GRIK2: variants seen among roughly 807,000 people sequenced by gnomAD.
GRIK2 encodes the protein glutamate receptor ionotropic, kainate 2.
In GRIK2, 32 loss-of-function variants were observed where a neutral mutation model predicts 100.3. The observed-to-expected ratio is 0.32, with a 90% CI of 0.24 to 0.43. The LOEUF is 0.43. GRIK2 is among the 20% of genes least tolerant of loss of function. The probability of loss-of-function intolerance (pLI) is 1.00; values close to 1 mark genes in which losing one functional copy is unlikely to be tolerated. For missense variants in GRIK2, 843 were observed against 1,114.9 expected (o/e 0.76, Z 3.47); for synonymous variants, 417 against 389.4 (o/e 1.07, Z -0.83).
At chr6:102,026,525 T>C (rs954669871) in intron 14 of GRIK2, among the ~76,000 whole-genome samples, 1 of 151,144 alleles carries the variant, frequency 6.6e-6, no homozygotes, top group African/African-American at 2.4e-5. Context: ...AGACATCTCA[T>C]TTAAAAGATA....
chr6:101,907,399 A>G (rs966683036), intron 12 of GRIK2, among the ~76,000 whole-genome samples: 282 of 151,816 alleles, frequency 1.9e-3, no homozygotes, highest in Non-Finnish European at 3.2e-3. Flanking sequence ...AAGAAAAAAA[A>G]AAGCTGAGCA....
chr6:102,050,334 G>A, intron 15 of GRIK2, among the ~76,000 whole-genome samples: 1 of 151,882 alleles, frequency 6.6e-6, no homozygotes, highest in East Asian at 1.9e-4. Context: ...GGAAGTGGAA[G>A]TTAGGGAAGG....
At chr6:101,753,460 T>C (rs1391990906) in intron 7 of GRIK2, among the ~76,000 whole-genome samples, 8 of 152,102 alleles carry the variant, frequency 5.3e-5, no homozygotes, top group African/African-American at 1.9e-4. Flanking sequence ...TATAATCTGA[T>C]GCATTGTAAG....
chr6:101,915,316 CTACG>C (rs2128467116), intron 12 of GRIK2, among the ~76,000 whole-genome samples: 2 of 151,266 alleles, frequency 1.3e-5, no homozygotes, highest in South Asian at 4.2e-4. Context: ...GTTACATAAA[CTACG>C]TATTTGGAAT....
intron 7 of GRIK2, among the ~76,000 whole-genome samples, chr6:101,783,582 G>A (rs1157730195): frequency 6.6e-6 from 1 of 152,170 alleles, no homozygotes; most frequent in Non-Finnish European, 1.5e-5. Context: ...TGGGTAACAG[G>A]CAAAGGTTGT....
intron 4 of GRIK2, among the ~76,000 whole-genome samples, chr6:101,666,245 G>T (rs1770021382): frequency 6.6e-6 from 1 of 152,186 alleles, no homozygotes; most frequent in African/African-American, 2.4e-5. Context: ...GTCCAGGAGA[G>T]GTCCGTGCCC....
intron 7 of GRIK2, among the ~76,000 whole-genome samples, chr6:101,725,634 A>G (rs1027023276): frequency 2.6e-5 from 4 of 152,032 alleles, no homozygotes; most frequent in African/African-American, 4.8e-5. Flanking sequence ...TAGCATCACC[A>G]TAAGAATGGC....
At chr6:101,840,612 G>T (rs1337498381) in intron 10 of GRIK2, among the ~76,000 whole-genome samples, 2 of 151,994 alleles carry the variant, frequency 1.3e-5, no homozygotes, top group East Asian at 3.9e-4. Flanking sequence ...ATGAGTCCTT[G>T]GTTTATCCAT....
intron 2 of GRIK2, among the ~76,000 whole-genome samples, chr6:101,595,726 A>AATATAATATATTATATTATAT (rs1562250092): frequency 1.4e-5 from 2 of 141,964 alleles, no homozygotes; most frequent in Admixed American, 7.3e-5. Flanking sequence ...GTGTATATAT[A>AATATAATATATTATATTATAT]TATATATATA....
At chr6:101,681,191 A>G (rs1398942742) in intron 5 of GRIK2, among the ~76,000 whole-genome samples, 1 of 152,124 alleles carries the variant, frequency 6.6e-6, no homozygotes, top group Admixed American at 6.6e-5. Context: ...ATTTTGATAC[A>G]GGCATACAAC....
chr6:101,539,710 T>C (rs1775893013), intron 2 of GRIK2, among the ~76,000 whole-genome samples: 1 of 151,862 alleles, frequency 6.6e-6, no homozygotes, highest in African/African-American at 2.4e-5. Flanking sequence ...GGATTCTACA[T>C]GGCTGAGTCA....
intron 11 of GRIK2, among the ~76,000 whole-genome samples, chr6:101,878,691 GA>G (rs1338591353): frequency 6.6e-6 from 1 of 151,852 alleles, no homozygotes; most frequent in Non-Finnish European, 1.5e-5. Context: ...TATCGTCTCT[GA>G]ATTCTCAGTG....
At chr6:101,669,138 ATTGT>A (rs371436580) in intron 4 of GRIK2, among the ~76,000 whole-genome samples, 135 of 152,204 alleles carry the variant, frequency 8.9e-4, no homozygotes, top group African/African-American at 3.1e-3. Context: ...ATCTGTGCAG[ATTGT>A]TTGTTTTTTA....
intron 2 of GRIK2, among the ~76,000 whole-genome samples, chr6:101,562,530 A>G (rs1427782534): frequency 6.6e-6 from 1 of 151,714 alleles, no homozygotes; most frequent in Non-Finnish European, 1.5e-5. Flanking sequence ...TTTAGTAGAT[A>G]TGGGGTTTCT....
intron 14 of GRIK2, among the ~76,000 whole-genome samples, chr6:101,931,123 G>T (rs758229303): frequency 6.6e-6 from 1 of 152,028 alleles, no homozygotes; most frequent in Non-Finnish European, 1.5e-5. Flanking sequence ...AGCCTTAAAA[G>T]ATTCCAATTT....
intron 4 of GRIK2, among the ~76,000 whole-genome samples, chr6:101,664,623 T>C (rs1036584571): frequency 6.6e-6 from 1 of 152,260 alleles, no homozygotes; most frequent in Non-Finnish European, 1.5e-5. Flanking sequence ...ATTGCTTTTT[T>C]TCATATCAGT....
intron 12 of GRIK2, among the ~76,000 whole-genome samples, chr6:101,918,381 G>T (rs1477999257): frequency 2.0e-5 from 3 of 151,502 alleles, no homozygotes; most frequent in Non-Finnish European, 3.0e-5. Flanking sequence ...AATGTAGTTT[G>T]CCTGTGATAT....
At chr6:102,033,429 G>T (rs1351530519) in intron 14 of GRIK2, among the ~76,000 whole-genome samples, 1 of 151,260 alleles carries the variant, frequency 6.6e-6, no homozygotes, top group Non-Finnish European at 1.5e-5. Flanking sequence ...TGCTTGAGTG[G>T]GTTGGGGGAG....
intron 11 of GRIK2, among the ~76,000 whole-genome samples, chr6:101,873,557 C>T (rs1785582487): frequency 1.3e-5 from 2 of 151,964 alleles, no homozygotes; most frequent in Non-Finnish European, 2.9e-5. Flanking sequence ...AATAAACATA[C>T]ATGTGCATGT....
Sources: gnomAD v4.1 joint callset for allele counts (sites outside exome capture counted in the v4.1 genomes callset) on GRCh38, gnomAD v4.1.1 for gene constraint, MANE v1.5 for transcripts, NCBI Gene and HGNC (gene_info 2026-07-23, HGNC 2026-07-21) for gene names.